Variants in FCMR observed in about 807,000 individuals in gnomAD.
FCMR encodes the protein Fc mu receptor.
Under a neutral mutation model 41.6 loss-of-function variants are expected in FCMR, and 34 were observed. That is an observed-to-expected ratio of 0.82 (90% CI 0.62 to 1.09). The LOEUF (loss-of-function observed/expected upper bound fraction) is 1.09. Among genes scored for constraint, FCMR ranks in the 50% least tolerant of loss-of-function variants. FCMR has a pLI of 0.00. For synonymous variants in FCMR, 209 were observed against 211.8 expected (o/e 0.99, Z 0.12); for missense variants, 496 against 512.5 (o/e 0.97, Z 0.31).
Position 206,913,991 on chromosome 1 carries a change from A to T in FCMR, c.141T>A (p.Tyr47Ter). 6.2e-7 allele frequency: 1 copy of T among 1,614,202 alleles called. No homozygotes were observed. Residue 47 changes from tyrosine to a stop codon, truncating the protein, a stop_gained, in exon 2 of 8, where the codon TAT becomes TAA. Coordinates refer to ENST00000367091, the MANE Select transcript of FCMR (RefSeq NM_005449.5). LOFTEE classifies it high-confidence loss of function. ...CPLPEMHVRI[Y>*]LCREMAGSGT... Reference sequence around the variant, plus strand: ...CAGATCCAGCCATCTCCCGGCACAGATATATCCTCACATGCATTTCAGGAA... The same window carrying T: ...CAGATCCAGCCATCTCCCGGCACAGTTATATCCTCACATGCATTTCAGGAA...
At chr1:206,922,564 G>C (rs1398179512), upstream of FCMR, among the ~76,000 whole-genome samples, 1 of 152,198 alleles carries the variant, frequency 6.6e-6, no homozygotes, top group African/African-American at 2.4e-5. Context: ...TAGCTCCCCA[G>C]CACCTCAGCC....
rs772483737 is a variant in FCMR at position 206,913,741 on chromosome 1, A to G, written c.373+18T>C. ...ATTTTCTGGGTAGTCTGAGCCTCCA[A>G]TCAGCGGAGGAACCTACCACTGTGG... On this transcript the variant is annotated intron_variant, in intron 2 of 7. Transcript: ENST00000367091. 21 of 1,598,902 alleles carry G rather than the reference A, an allele frequency of 1.3e-5. No individual in the cohort carries two copies. In the South Asian group the frequency reaches 1.8e-4, roughly 13 times the overall value.
At position 206,913,746 on chromosome 1, in the gene FCMR, C is replaced by A. The variant is rs374787432; in HGVS notation, c.373+13G>T. 1 of 1,604,478 alleles carries A rather than the reference C, an allele frequency of 6.2e-7. No individual in the cohort carries two copies. The highest frequency in any genetic ancestry group is 1.3e-5 in the African/African-American group (1 of 74,798). ...CTGGGTAGTCTGAGCCTCCAATCAG[C>A]GGAGGAACCTACCACTGTGGACATT... On this transcript the variant is annotated intron_variant, in intron 2 of 7. Transcript: ENST00000367091.
intron 7 of FCMR, among the ~76,000 whole-genome samples, chr1:206,907,103 T>TGGGGG (rs75679471): frequency 1.3e-3 from 55 of 43,356 alleles, no homozygotes; most frequent in Non-Finnish European, 1.9e-3. Flanking sequence ...GGTGGGGGGG[T>TGGGGG]GGGGGGGGGG....
At chr1:206,911,247 T>TC (rs1160490866) in intron 4 of FCMR, among the ~76,000 whole-genome samples, 1 of 151,788 alleles carries the variant, frequency 6.6e-6, no homozygotes, top group Non-Finnish European at 1.5e-5. Flanking sequence ...GGTTTTTTTT[T>TC]TTTGGAGTCT....
At position 206,904,311 on chromosome 1, in the gene FCMR, T is replaced by C. The variant is rs1177435992; in HGVS notation, c.*708A>G. The C allele has an allele frequency of 6.6e-6, 1 of 152,148 alleles. No individual in the cohort carries two copies. Among genetic ancestry groups the C allele is most frequent in the African/African-American group, 2.4e-5 (1 of 41,344 alleles). The allele number at this position is 152,148 out of a possible 1,614,324, so 9.4% of individuals were successfully genotyped here. A position where few individuals can be genotyped will look rare whatever the true frequency, so the allele number is the denominator to read the frequency against. On this transcript the variant is annotated 3_prime_UTR_variant, in exon 8 of 8. Coordinates refer to ENST00000367091, the MANE Select transcript of FCMR (RefSeq NM_005449.5). ...ATAAAGAGATACTTTTTTTTTTTTT[T>C]TTTTAGAGGGGAGATGCTGAGGTCA...
chr1:206,906,292 T>TG, intron 7 of FCMR: 1 of 268,146 alleles, frequency 3.7e-6, no homozygotes, highest in South Asian at 5.3e-5. Flanking sequence ...GGAAGGAAGG[T>TG]GGTAATACCT....
intron 7 of FCMR, chr1:206,907,866 A>T (rs567875684): frequency 2.2e-6 from 3 of 1,349,168 alleles, no homozygotes; most frequent in African/African-American, 2.9e-5. Context: ...TTGTGGCACA[A>T]GTACGAGGCT....
chr1:206,913,098 G>T, intron 2 of FCMR, 56 bp from the exon 3 acceptor site: 1 of 1,374,758 alleles, frequency 7.3e-7, no homozygotes. Flanking sequence ...TGAGGCTTGG[G>T]TGTAAACTGA....
At chr1:206,915,688 T>G (rs1172060615) in intron 1 of FCMR, among the ~76,000 whole-genome samples, 1 of 151,926 alleles carries the variant, frequency 6.6e-6, no homozygotes, top group African/African-American at 2.4e-5. Context: ...TGTGGCGAGG[T>G]GGGGCTGGAA....
rs892866018 is a variant in FCMR at position 206,913,901 on chromosome 1, A to G, written c.231T>C (p.Thr77=). The change falls in exon 2 of 8, where the codon ACT becomes ACC. Residue 77 remains threonine (T), a synonymous_variant. Transcript: ENST00000367091. The stretch of plus-strand genomic sequence containing the variant: ...GATTCTTGCGTGGGTATTGCTTCAG[A>G]GTAACTCGGCCCTTGTATTCTGCCT... ...FIKAEYKGRV[T]LKQYPRKNLF... 1 of 1,614,100 alleles carries G rather than the reference A, an allele frequency of 6.2e-7. No homozygotes were observed. Among genetic ancestry groups the G allele is most frequent in the African/African-American group, 1.3e-5 (1 of 74,912 alleles).
Position 206,909,514 on chromosome 1 carries a change from C to CG in FCMR, c.991_992insC (p.Gly331AlafsTer21). ...TCCGGGGCCGGGAACGGGGGCCTCC[C>CG]CTGTGCCTAGGGAACAGCGAGGGCG... is the stretch of plus-strand genomic sequence containing the variant. On this transcript the variant is annotated frameshift_variant, in exon 7 of 8. Transcript: ENST00000367091. LOFTEE classifies it high-confidence loss of function. This position sits in a 1 kb window ranked among gnomAD's most constrained non-coding sequence, Gnocchi z 5.0. 7.6e-7 allele frequency: 1 copy of CG among 1,309,294 alleles called. No homozygotes were observed. The highest frequency in any genetic ancestry group is 3.1e-5 in the East Asian group (1 of 31,912). 81.1% of individuals were successfully genotyped at this position (1,309,294 alleles called of 1,614,324 possible).
At chr1:206,920,429 G>A (rs556284299) in intron 1 of FCMR, among the ~76,000 whole-genome samples, 4 of 149,756 alleles carry the variant, frequency 2.7e-5, no homozygotes, top group South Asian at 2.1e-4. Flanking sequence ...CACTCCAGTC[G>A]GGGCAACAGA....
chr1:206,912,937 A>T lies in FCMR; in HGVS notation c.479T>A (p.Val160Glu). The part of the protein sequence containing the change: ...MPAYASSSKF[V>E]TRVTTPAQRG... ...TGCTATGGTGAACTGACCTCTGGTT[A>T]CGAATTTGGAAGAACTGGCATATGC... Residue 160 changes from valine to glutamate, a missense_variant, in exon 3 of 8, where the codon GTA becomes GAA. Transcript: ENST00000367091. 1 of 1,610,672 alleles carries T rather than the reference A, an allele frequency of 6.2e-7. No individual in the cohort carries two copies. The highest frequency in any genetic ancestry group is 1.1e-5 in the South Asian group (1 of 91,018).
chr1:206,907,095 T>TGGG (rs1558645957), intron 7 of FCMR, among the ~76,000 whole-genome samples: 1 of 12,078 alleles, frequency 8.3e-5, no homozygotes, highest in African/African-American at 3.0e-4. Flanking sequence ...GGTGGGGGGG[T>TGGG]GGGGGGGTGG....
intron 7 of FCMR, among the ~76,000 whole-genome samples, chr1:206,908,529 GTT>G (rs1678778597): frequency 6.6e-6 from 1 of 152,164 alleles, no homozygotes; most frequent in South Asian, 2.1e-4. Context: ...TGGGGCGTCT[GTT>G]TAACTTTCCA....
chr1:206,905,060 C>T lies in FCMR; in HGVS notation c.1132G>A (p.Glu378Lys), dbSNP rs1414466795. Reference sequence around the variant, plus strand: ...ATGTAGTCATCTGAATCACTGTCCTCCATCATGGCGGCAGGCTGGTGGTAG... The same window carrying T: ...ATGTAGTCATCTGAATCACTGTCCTTCATCATGGCGGCAGGCTGGTGGTAG... ...SLYHQPAAMM[E>K]DSDSDDYINV... Residue 378 changes from glutamate to lysine, a missense_variant, in exon 8 of 8, where the codon GAG becomes AAG. Physicochemically the swap from Glu to Lys is moderately conservative, Grantham distance 56 (BLOSUM62 1). Transcript: ENST00000367091. 1.2e-5 allele frequency: 19 copies of T among 1,614,000 alleles called. No homozygotes were observed. The highest frequency in any genetic ancestry group is 1.4e-5 in the Non-Finnish European group (17 of 1,180,004).
chr1:206,919,328 G>T (rs1572632599), intron 1 of FCMR, among the ~76,000 whole-genome samples: 1 of 152,210 alleles, frequency 6.6e-6, no homozygotes, highest in South Asian at 2.1e-4. Context: ...GGGCATGGTG[G>T]CTCAGGCCTG....
rs929539458 is a variant in FCMR at position 206,909,520 on chromosome 1, C to T, written c.986G>A (p.Gly329Asp). ...GCCGGGAACGGGGGCCTCCCCTGTGCCTAGGGAACAGCGAGGGCGAGGTGA... is the reference window on the plus strand; with the variant it reads ...GCCGGGAACGGGGGCCTCCCCTGTGTCTAGGGAACAGCGAGGGCGAGGTGA... ...PRRARGADAA[G>D]TGEAPVPGPG... is the part of the protein sequence containing the mutation. The change falls in exon 7 of 8, where the codon GGC becomes GAC. Residue 329 changes from glycine to aspartate, a missense_variant and splice_region_variant. Gly to Asp is a moderately conservative substitution (Grantham distance 94). Coordinates refer to ENST00000367091, the MANE Select transcript of FCMR (RefSeq NM_005449.5). This position sits in a 1 kb window ranked among gnomAD's most constrained non-coding sequence, Gnocchi z 5.0. 5 of 1,324,528 alleles carry T rather than the reference C, an allele frequency of 3.8e-6. No homozygotes were observed. The Admixed American group carries it at 1.7e-4, about 44-fold the overall frequency. The allele number at this position is 1,324,528 out of a possible 1,614,324, so 82.0% of individuals were successfully genotyped here.
Sources: gnomAD v4.1 joint callset for allele counts (sites outside exome capture counted in the v4.1 genomes callset) on GRCh38, gnomAD v4.1.1 for gene constraint, Gnocchi (gnomAD v3.1) non-coding constraint, MANE v1.5 for transcripts, NCBI Gene and HGNC (gene_info 2026-07-23, HGNC 2026-07-21) for gene names.